Variants in FGF7 observed in about 807,000 individuals in gnomAD.
The protein encoded by FGF7 is FGF-7.
FGF7 carries 6 observed loss-of-function variants against 20.5 expected under a neutral mutation model. That is an observed-to-expected ratio of 0.29 (90% CI 0.16 to 0.58). The LOEUF (loss-of-function observed/expected upper bound fraction) is 0.58. FGF7 is among the 20% of genes least tolerant of loss of function. FGF7 has a pLI of 0.90. For synonymous variants in FGF7, 64 were observed against 74.7 expected (o/e 0.86, Z 0.74); for missense variants, 144 against 228.8 (o/e 0.63, Z 2.39).
At chr15:49,460,961 G>A (rs1474684245) in intron 2 of FGF7, among the ~76,000 whole-genome samples, 3 of 152,192 alleles carry the variant, frequency 2.0e-5, no homozygotes, top group African/African-American at 7.2e-5. Context: ...AAAGCTCAGT[G>A]TTGATAGCTG....
At chr15:49,477,328 C>G (rs1313698386) in intron 2 of FGF7, among the ~76,000 whole-genome samples, 2 of 152,194 alleles carry the variant, frequency 1.3e-5, no homozygotes, top group African/African-American at 4.8e-5. Context: ...TGTGATTCAG[C>G]TTTTCATCCT....
rs530544100 is a variant in FGF7, at chr15:49,441,379, A to G, written c.286+16796A>G. Among the ~76,000 whole-genome samples the G allele has an allele frequency of 4.6e-5, 7 of 151,926 alleles. No individual in the cohort carries two copies. In the South Asian group the frequency reaches 1.2e-3, roughly 27 times the overall value. On this transcript the variant is annotated intron_variant, in intron 2 of 3. Transcript: ENST00000267843. ...CTTGGATTCAGCCCCTAAGAATCCAATTTTAGAAATAAAACTAATATCAAC... is the reference window on the plus strand; with the variant it reads ...CTTGGATTCAGCCCCTAAGAATCCAGTTTTAGAAATAAAACTAATATCAAC...
chr15:49,474,416 C>G (rs1386714584), intron 2 of FGF7, among the ~76,000 whole-genome samples: 1 of 152,092 alleles, frequency 6.6e-6, no homozygotes. Flanking sequence ...GTAACACAAT[C>G]AGAGCTACTT....
chr15:49,481,253 CA>C (rs1328633305), intron 2 of FGF7, among the ~76,000 whole-genome samples: 1 of 152,184 alleles, frequency 6.6e-6, no homozygotes. Context: ...GCAAAAGCCA[CA>C]ATTACTTTTG....
At chr15:49,443,092 A>G (rs1332956395) in intron 2 of FGF7, among the ~76,000 whole-genome samples, 1 of 151,702 alleles carries the variant, frequency 6.6e-6, no homozygotes, top group Non-Finnish European at 1.5e-5. Flanking sequence ...AAGTAGGGTG[A>G]CCATATTTGG....
intron 2 of FGF7, among the ~76,000 whole-genome samples, chr15:49,450,107 T>C (rs1303085326): frequency 6.6e-6 from 1 of 152,118 alleles, no homozygotes; most frequent in Non-Finnish European, 1.5e-5. Flanking sequence ...AACGGAGTTG[T>C]GGAATAAACA....
intron 2 of FGF7, among the ~76,000 whole-genome samples, chr15:49,442,573 T>C (rs1464479449): frequency 6.6e-6 from 1 of 151,786 alleles, no homozygotes; most frequent in Non-Finnish European, 1.5e-5. Flanking sequence ...CTCTCTCCCC[T>C]TTCCTTATCC....
intron 2 of FGF7, among the ~76,000 whole-genome samples, chr15:49,433,919 A>G (rs1428772032): frequency 6.6e-6 from 1 of 151,756 alleles, no homozygotes; most frequent in African/African-American, 2.4e-5. Flanking sequence ...TTAATAATTA[A>G]ATGAGCTATA....
chr15:49,456,207 AT>A (rs2053271053), intron 2 of FGF7, among the ~76,000 whole-genome samples: 1 of 151,968 alleles, frequency 6.6e-6, no homozygotes, highest in Non-Finnish European at 1.5e-5. Flanking sequence ...TTAGAATTTC[AT>A]TTTTTACCCT....
chr15:49,456,546 A>T (rs2053310137), intron 2 of FGF7, among the ~76,000 whole-genome samples: 1 of 152,140 alleles, frequency 6.6e-6, no homozygotes, highest in South Asian at 2.1e-4. Flanking sequence ...GATATATATA[A>T]AAATAAGACT....
chr15:49,425,580 G>C (rs1467806832), intron 2 of FGF7: 13 of 151,882 alleles, frequency 8.6e-5, no homozygotes, highest in Admixed American at 7.2e-4. Flanking sequence ...AATGCATGGG[G>C]AGACTGGTGT....
At chr15:49,428,127 C>G (rs1246362990) in intron 2 of FGF7, among the ~76,000 whole-genome samples, 2 of 151,848 alleles carry the variant, frequency 1.3e-5, no homozygotes, top group East Asian at 1.9e-4. Flanking sequence ...CCAAGAGATA[C>G]TGGACCACAT....
At chr15:49,427,828 A>G (rs1012351351) in intron 2 of FGF7, among the ~76,000 whole-genome samples, 23 of 151,926 alleles carry the variant, frequency 1.5e-4, no homozygotes, top group Non-Finnish European at 2.9e-5. Context: ...GCTCGGGTAG[A>G]TGGTTGGAGG....
At chr15:49,447,135 A>G (rs1264596150) in intron 2 of FGF7, among the ~76,000 whole-genome samples, 2 of 151,654 alleles carry the variant, frequency 1.3e-5, no homozygotes, top group Admixed American at 6.6e-5. Flanking sequence ...CACTGATATA[A>G]GGCTTTCAAA....
At chr15:49,470,387 C>T (rs189704595) in intron 2 of FGF7, among the ~76,000 whole-genome samples, 238 of 152,112 alleles carry the variant, frequency 1.6e-3, no homozygotes, top group African/African-American at 5.5e-3. Context: ...TTCTGTTGAT[C>T]CTACATATCT....
chr15:49,447,780 C>T (rs2052361995), intron 2 of FGF7, among the ~76,000 whole-genome samples: 1 of 151,654 alleles, frequency 6.6e-6, no homozygotes, highest in Non-Finnish European at 1.5e-5. Flanking sequence ...CAAACTAATT[C>T]AACTAACTGG....
intron 2 of FGF7, among the ~76,000 whole-genome samples, chr15:49,450,740 C>T (rs1004886675): frequency 1.1e-4 from 16 of 151,750 alleles, no homozygotes; most frequent in Non-Finnish European, 2.2e-4. Flanking sequence ...TCCAGTTTAA[C>T]AAAACTAATA....
chr15:49,436,096 A>G (rs1405530058), intron 2 of FGF7, among the ~76,000 whole-genome samples: 1 of 151,552 alleles, frequency 6.6e-6, no homozygotes, highest in African/African-American at 2.4e-5. Flanking sequence ...GGCCAGCTTA[A>G]TAAGTTTGCT....
chr15:49,482,454 C>T (rs1393895598), intron 2 of FGF7, among the ~76,000 whole-genome samples: 1 of 151,996 alleles, frequency 6.6e-6, no homozygotes, highest in Non-Finnish European at 1.5e-5. Flanking sequence ...TATCAAAATA[C>T]TATCAGTTTA....
Sources: allele counts gnomAD v4.1 joint callset (sites outside exome capture counted in the v4.1 genomes callset), GRCh38; gene constraint gnomAD v4.1.1; transcripts MANE v1.5; gene names NCBI Gene and HGNC (gene_info 2026-07-23, HGNC 2026-07-21).